Variants in PLA2G5 observed in about 807,000 individuals in gnomAD.
PLA2G5 encodes the protein Ca2+-dependent phospholipase A2.
A neutral mutation model predicts 15.9 loss-of-function variants in PLA2G5; 12 were observed. The observed-to-expected ratio is 0.76, with a 90% CI of 0.48 to 1.23. PLA2G5 has a LOEUF of 1.23. Among genes scored for constraint, PLA2G5 ranks in the 50% most tolerant of loss-of-function variants. The pLI, the probability that PLA2G5 is intolerant of heterozygous loss-of-function variation, is 0.00. For missense variants in PLA2G5, 169 were observed against 177.1 expected (o/e 0.95, Z 0.26); for synonymous variants, 71 against 71.4 (o/e 0.99, Z 0.03).
At chr1:20,038,477 T>A (rs909970596) in intron 1 of PLA2G5, among the ~76,000 whole-genome samples, 1 of 152,222 alleles carries the variant, frequency 6.6e-6, no homozygotes, top group Non-Finnish European at 1.5e-5. Flanking sequence ...TTCTACTTTA[T>A]ATTTTGCTCT....
chr1:20,080,442 C>T (rs1191989404), intron 1 of PLA2G5, among the ~76,000 whole-genome samples: 1 of 151,980 alleles, frequency 6.6e-6, no homozygotes, highest in Non-Finnish European at 1.5e-5. Context: ...ATTAGCCAGG[C>T]GTAGTGGCAT....
chr1:20,037,079 G>T (rs2013296443), intron 1 of PLA2G5, among the ~76,000 whole-genome samples: 1 of 152,164 alleles, frequency 6.6e-6, no homozygotes, highest in Non-Finnish European at 1.5e-5. Flanking sequence ...TCTTGGTTTG[G>T]ATTTATTGGT....
chr1:20,087,027 A>G (rs561281), intron 3 of PLA2G5, among the ~76,000 whole-genome samples: 1,625 of 152,368 alleles, frequency 0.011, 29 homozygotes, highest in African/African-American at 0.037. Context: ...AAGCCAGGGC[A>G]GGAAGCCAGA....
chr1:20,049,136 T>C (rs2100393685), intron 1 of PLA2G5, among the ~76,000 whole-genome samples: 1 of 152,174 alleles, frequency 6.6e-6, no homozygotes, highest in East Asian at 1.9e-4. Context: ...TAATTTTATA[T>C]GAGAAAGAAT....
chr1:20,043,331 G>C (rs1297948597), intron 1 of PLA2G5, among the ~76,000 whole-genome samples: 1 of 152,192 alleles, frequency 6.6e-6, no homozygotes, highest in East Asian at 1.9e-4. Flanking sequence ...TAAAATGGGG[G>C]AATTGTAAAG....
intron 2 of PLA2G5, among the ~76,000 whole-genome samples, chr1:20,061,533 CCGTGAT>C (rs1430341444): frequency 6.7e-6 from 1 of 149,482 alleles, no homozygotes; most frequent in Non-Finnish European, 1.5e-5. Flanking sequence ...CTGCAGTGAG[CCGTGAT>C]TGCACCACTG....
chr1:20,086,871 T>C (rs187205097), intron 3 of PLA2G5, among the ~76,000 whole-genome samples: 110 of 152,300 alleles, frequency 7.2e-4, no homozygotes, highest in African/African-American at 2.6e-3. Context: ...TAGAAGAACA[T>C]GTGAAATGGG....
At chr1:20,090,309 C>A (rs930668071) in intron 4 of PLA2G5, among the ~76,000 whole-genome samples, 1 of 152,198 alleles carries the variant, frequency 6.6e-6, no homozygotes, top group African/African-American at 2.4e-5. Context: ...CACCATCAGA[C>A]TGGGAGTCCC....
chr1:20,061,586 CAAAAAA>C lies in PLA2G5; in HGVS notation n.337+1913_337+1918del, dbSNP rs35346493. On this transcript the variant is annotated intron_variant and non_coding_transcript_variant, in intron 2 of 6. Coordinates refer to the PLA2G5 transcript ENST00000460175. ...GGGCAACAGAGTAAGACCCTGTCTC[CAAAAAA>C]AAAAAAAAAAAAAAAAAATCTAAGC... Among the ~76,000 whole-genome samples, 444 of 67,732 alleles carry C rather than the reference CAAAAAA, an allele frequency of 6.6e-3. 3 individuals are homozygous for C. The highest frequency in any genetic ancestry group is 0.022 in the African/African-American group (375 of 17,380). The allele number at this position is 67,732 out of a possible 152,430, so 44.4% of individuals were successfully genotyped here.
chr1:20,054,261 ATTAG>A (rs1442902274), intron 1 of PLA2G5, among the ~76,000 whole-genome samples: 8 of 152,168 alleles, frequency 5.3e-5, no homozygotes, highest in Admixed American at 5.2e-4. Context: ...GCTATATTCC[ATTAG>A]TTAGAAGCAA....
At chr1:20,080,232 G>C (rs2015933144) in intron 1 of PLA2G5, among the ~76,000 whole-genome samples, 1 of 152,096 alleles carries the variant, frequency 6.6e-6, no homozygotes, top group Non-Finnish European at 1.5e-5. Context: ...GCCCTGGATC[G>C]AGGGTGGCCC....
chr1:20,086,284 T>C lies in PLA2G5; in HGVS notation c.185+57T>C, dbSNP rs538854085. ...TCCAGGCTCTGCACCCATGTTTTCT[T>C]ATTCAATTCCATATCAGTTCTGGAA... is the stretch of plus-strand genomic sequence containing the variant. On this transcript the variant is annotated intron_variant, in intron 3 of 4. Transcript: ENST00000375108. 100 of 1,555,280 alleles carry C rather than the reference T, an allele frequency of 6.4e-5. No homozygotes were observed. The African/African-American group carries it at 1.1e-3, about 17-fold the overall frequency.
chr1:20,061,661 G>C lies in PLA2G5; in HGVS notation n.337+1969G>C, dbSNP rs528395431. On this transcript the variant is annotated intron_variant and non_coding_transcript_variant, in intron 2 of 6. Coordinates refer to the PLA2G5 transcript ENST00000460175. ...TTCTCCTTTGTGCTTGAAATAAACA[G>C]GGCCTAAAAGAATCCCTCTTTCCAT... Among the ~76,000 whole-genome samples the C allele has an allele frequency of 2.6e-5, 4 of 151,430 alleles. No homozygotes were observed. The South Asian group carries it at 8.4e-4, about 32-fold the overall frequency.
rs1171653834 is a variant in PLA2G5, at chr1:20,073,868, C to CA, written c.-11+3413dup. ...CTGGGCGACAGAGGGAGACTCCATC[C>CA]AAAAAAAAAAGAAGATATGCATTAG... On this transcript the variant is annotated intron_variant, in intron 1 of 4. Transcript: ENST00000375108. 6.9e-4 allele frequency among the ~76,000 whole-genome samples: 100 copies of CA among 145,172 alleles called. 1 individual carries two copies. The highest frequency in any genetic ancestry group is 1.1e-3 in the South Asian group (5 of 4,584).
At chr1:20,070,504 G>A in intron 1 of PLA2G5, 39 bp downstream of exon 1, 1 of 983,562 alleles carries the variant, frequency 1.0e-6, no homozygotes, top group Non-Finnish European at 1.2e-6. Context: ...TGGGGGTTGT[G>A]GAGGGACGCC....
At chr1:20,083,773 C>T (rs1569824272) in intron 1 of PLA2G5, among the ~76,000 whole-genome samples, 2 of 151,684 alleles carry the variant, frequency 1.3e-5, no homozygotes, top group Admixed American at 1.3e-4. Flanking sequence ...GGACGCGGCT[C>T]GAATCCAGCC....
chr1:20,048,863 A>T (rs2014045479), intron 1 of PLA2G5, among the ~76,000 whole-genome samples: 1 of 152,238 alleles, frequency 6.6e-6, no homozygotes, highest in Non-Finnish European at 1.5e-5. Context: ...CAAATGTCAC[A>T]ATTTAGAATC....
At chr1:20,081,021 C>T (rs1337110710) in intron 1 of PLA2G5, among the ~76,000 whole-genome samples, 1 of 151,880 alleles carries the variant, frequency 6.6e-6, no homozygotes, top group Non-Finnish European at 1.5e-5. Context: ...AGCCAGGAGA[C>T]CTGAACTGGG....
At chr1:20,084,538 T>G (rs952466570) in intron 1 of PLA2G5, among the ~76,000 whole-genome samples, 1 of 152,230 alleles carries the variant, frequency 6.6e-6, no homozygotes, top group African/African-American at 2.4e-5. Context: ...TTTAGCCATT[T>G]TGCCAACGGG....
Sources: gnomAD v4.1 joint callset for allele counts (sites outside exome capture counted in the v4.1 genomes callset) on GRCh38, gnomAD v4.1.1 for gene constraint, MANE v1.5 for transcripts, NCBI Gene and HGNC (gene_info 2026-07-23, HGNC 2026-07-21) for gene names.